The following DOCK5 variants were observed in gnomAD, a reference collection of about 807,000 sequenced individuals.
DOCK5 encodes dedicator of cytokinesis 5, also known as dedicator of cytokinesis protein 5.
A neutral mutation model predicts 251.8 loss-of-function variants in DOCK5; 142 were observed. The observed-to-expected ratio is 0.56, with a 90% CI of 0.49 to 0.65. The LOEUF is 0.65. Among genes scored for constraint, DOCK5 ranks in the 30% least tolerant of loss-of-function variants. DOCK5 has a pLI of 0.00. For missense variants in DOCK5, 2,111 were observed against 2,312.3 expected, an observed-to-expected ratio of 0.91 and a Z score of 1.79; for synonymous variants, 842 against 835.5, an observed-to-expected ratio of 1.01 and a Z score of -0.13.
intron 25 of DOCK5, among the ~76,000 whole-genome samples, chr8:25,344,665 A>T (rs1290621125): frequency 6.6e-6 from 1 of 152,222 alleles, no homozygotes; most frequent in African/African-American, 2.4e-5. Flanking sequence ...CCTAAGACAC[A>T]ATTGGAGGTA....
intron 28 of DOCK5, among the ~76,000 whole-genome samples, chr8:25,360,202 T>C (rs536612261): frequency 7.2e-5 from 11 of 152,358 alleles, no homozygotes; most frequent in Non-Finnish European, 2.9e-5. Flanking sequence ...CTTTCTGCCA[T>C]GCCCACATGG....
chr8:25,385,367 T>A (rs1586384394), intron 40 of DOCK5, among the ~76,000 whole-genome samples: 2 of 150,760 alleles, frequency 1.3e-5, no homozygotes, highest in Non-Finnish European at 3.0e-5. Flanking sequence ...GACGTGGGGG[T>A]GGTGGCTTTA....
Position 25,411,246 on chromosome 8 carries a change from C to G in DOCK5, c.5561C>G (p.Pro1854Arg), listed in dbSNP as rs1432416179. 1 of 1,590,118 alleles carries G rather than the reference C, an allele frequency of 6.3e-7. No individual in the cohort carries two copies. ...GAAGCCAAAGCACCACCCCCTCCAC[C>G]TCCAAAGGCTCGGAAGTCTGGCATC... is the stretch of plus-strand genomic sequence containing the variant. The part of the protein sequence containing the change: ...RREAKAPPPP[P>R]PKARKSGIPT... The change falls in exon 52 of 52, where the codon CCT becomes CGT. Residue 1854 changes from proline to arginine, a missense_variant. Physicochemically the swap from Pro to Arg is moderately radical, Grantham distance 103. This residue lies in a region of DOCK5 where 1,717 missense variants were observed against 1,892.4 expected (regional missense o/e 0.91). Coordinates refer to ENST00000276440, the MANE Select transcript of DOCK5 (RefSeq NM_024940.8).
chr8:25,244,577 C>T (rs1345716366), intron 2 of DOCK5, among the ~76,000 whole-genome samples: 5 of 152,158 alleles, frequency 3.3e-5, no homozygotes, highest in African/African-American at 1.2e-4. Flanking sequence ...TGACAGGGAC[C>T]GTGCATTTTC....
chr8:25,395,730 TC>T lies in DOCK5; in HGVS notation c.4704+14del. On this transcript the variant is annotated intron_variant, in intron 45 of 51. Coordinates refer to ENST00000276440, the MANE Select transcript of DOCK5 (RefSeq NM_024940.8). ...TCCAACTATGAAAAGGTTCGCTTGG[TC>T]CCAGAATCCCCTAGGGATTCACAGA... The T allele has an allele frequency of 6.2e-7, 1 of 1,609,262 alleles. No individual in the cohort carries two copies. Among genetic ancestry groups the T allele is most frequent in the Non-Finnish European group, 8.5e-7 (1 of 1,178,686 alleles).
intron 27 of DOCK5, 102 bp from the exon 28 acceptor site, chr8:25,358,861 G>A (rs1800625031): frequency 1.1e-6 from 1 of 927,256 alleles, no homozygotes; most frequent in Non-Finnish European, 1.8e-6. Flanking sequence ...ATACCTGCGT[G>A]GCTCAGTGGG....
At chr8:25,320,471 G>A (rs1805394141) in intron 15 of DOCK5, among the ~76,000 whole-genome samples, 2 of 152,140 alleles carry the variant, frequency 1.3e-5, no homozygotes, top group Admixed American at 1.3e-4. Flanking sequence ...AGGTTCCAAA[G>A]TATAATCATG....
intron 1 of DOCK5, among the ~76,000 whole-genome samples, chr8:25,232,805 C>T (rs567245529): frequency 3.9e-5 from 6 of 152,242 alleles, no homozygotes; most frequent in South Asian, 2.1e-4. Context: ...ACTGCACTAC[C>T]GAGTACTTAG....
intron 49 of DOCK5, 121 bp downstream of exon 49, chr8:25,408,275 C>T: frequency 1.8e-6 from 2 of 1,110,048 alleles, no homozygotes; most frequent in Non-Finnish European, 1.3e-6. Flanking sequence ...CAGGACTCAG[C>T]AGCCTGGGTT....
In DOCK5 at chr8:25,395,538, C is replaced by G. The variant is rs1801330746; in HGVS notation, c.4528-5C>G. On this transcript the variant is annotated splice_polypyrimidine_tract_variant and splice_region_variant and intron_variant, in intron 44 of 51. Transcript: ENST00000276440. ...CCTCTTTCTCCCATGTGCTCTGTCACTCAGGAAGAGATCAGTCCTCTGGAG... is the reference window on the plus strand; with the variant it reads ...CCTCTTTCTCCCATGTGCTCTGTCAGTCAGGAAGAGATCAGTCCTCTGGAG... 1 of 1,607,016 alleles carries G rather than the reference C, an allele frequency of 6.2e-7. No individual in the cohort carries two copies. Among genetic ancestry groups the G allele is most frequent in the African/African-American group, 1.3e-5 (1 of 74,188 alleles).
chr8:25,356,846 A>G (rs1319763899), intron 27 of DOCK5, among the ~76,000 whole-genome samples: 1 of 149,746 alleles, frequency 6.7e-6, no homozygotes, highest in East Asian at 2.0e-4. Context: ...TGGATTTTTT[A>G]TAGTTAAAAT....
intron 10 of DOCK5, among the ~76,000 whole-genome samples, chr8:25,302,991 A>G (rs935030578): frequency 2.0e-5 from 3 of 152,176 alleles, no homozygotes; most frequent in African/African-American, 2.4e-5. Flanking sequence ...GAAGGTGATG[A>G]TGGTTGCACA....
chr8:25,255,293 G>A (rs1471041666), intron 2 of DOCK5, among the ~76,000 whole-genome samples: 1 of 152,186 alleles, frequency 6.6e-6, no homozygotes, highest in African/African-American at 2.4e-5. Context: ...GCCAAAATGT[G>A]GGAGTAAACA....
chr8:25,273,674 C>T (rs952950596), intron 3 of DOCK5, among the ~76,000 whole-genome samples: 5 of 152,152 alleles, frequency 3.3e-5, no homozygotes, highest in Non-Finnish European at 5.9e-5. Flanking sequence ...TTTTTCACTT[C>T]GATGGTGTGC....
chr8:25,225,300 G>T (rs998908064), intron 1 of DOCK5, among the ~76,000 whole-genome samples: 5 of 152,184 alleles, frequency 3.3e-5, no homozygotes, highest in Non-Finnish European at 7.3e-5. Context: ...TTACACTCGT[G>T]TTCATAGCAG....
Position 25,319,626 on chromosome 8 carries a change from T to C in DOCK5, c.1492T>C (p.Ser498Pro). 6.3e-7 allele frequency: 1 copy of C among 1,592,058 alleles called. No homozygotes were observed. ...AGYEGISEYK[S>P]VVYYQVKQPC... Reference sequence around the variant, plus strand: ...ATATGAAGGCATTTCAGAATACAAATCAGTAGTCTATTACCAAGTCAAGCA... The same window carrying C: ...ATATGAAGGCATTTCAGAATACAAACCAGTAGTCTATTACCAAGTCAAGCA... The change falls in exon 15 of 52, where the codon TCA becomes CCA. Residue 498 changes from serine to proline, a missense_variant. This residue lies in a region of DOCK5 where 1,717 missense variants were observed against 1,892.4 expected (regional missense o/e 0.91). Coordinates refer to ENST00000276440, the MANE Select transcript of DOCK5 (RefSeq NM_024940.8).
At chr8:25,370,254 A>G (rs1800850435) in intron 34 of DOCK5, among the ~76,000 whole-genome samples, 1 of 152,230 alleles carries the variant, frequency 6.6e-6, no homozygotes, top group South Asian at 2.1e-4. Flanking sequence ...AAAAACACAT[A>G]GGTGTTGGCC....
At chr8:25,280,065 C>T (rs1804148834) in intron 5 of DOCK5, among the ~76,000 whole-genome samples, 1 of 152,196 alleles carries the variant, frequency 6.6e-6, no homozygotes, top group Non-Finnish European at 1.5e-5. Context: ...GTGCCCCGCC[C>T]ACAAAGACTG....
chr8:25,399,464 A>G (rs17053600), intron 45 of DOCK5, among the ~76,000 whole-genome samples: 10,445 of 152,298 alleles, frequency 0.069, 1,163 homozygotes, highest in African/African-American at 0.23. Context: ...GATATAGCCA[A>G]TGTCACGGGA....
Sources: gnomAD v4.1 joint callset for allele counts (sites outside exome capture counted in the v4.1 genomes callset) on GRCh38, gnomAD v4.1.1 for gene constraint, gnomAD v4.1.1 regional missense constraint, MANE v1.5 for transcripts, NCBI Gene and HGNC (gene_info 2026-07-23, HGNC 2026-07-21) for gene names.